COG5: variants seen among roughly 807,000 people sequenced by gnomAD.
COG5 encodes the protein conserved oligomeric Golgi complex subunit 5.
COG5 carries 86 observed loss-of-function variants against 110.4 expected under a neutral mutation model. That is an observed-to-expected ratio of 0.78 (90% CI 0.65 to 0.93). COG5 has a LOEUF of 0.93. COG5 is among the 40% of genes least tolerant of loss of function. The probability of loss-of-function intolerance (pLI) is 0.00; values close to 1 mark genes in which losing one functional copy is unlikely to be tolerated. For missense variants in COG5, 1,077 were observed against 987.0 expected, an observed-to-expected ratio of 1.09 and a Z score of -1.22; for synonymous variants, 360 against 334.6, an observed-to-expected ratio of 1.08 and a Z score of -0.83.
chr7:107,496,574 C>A (rs144094494), intron 6 of COG5, among the ~76,000 whole-genome samples: 1 of 151,304 alleles, frequency 6.6e-6, no homozygotes, highest in African/African-American at 2.4e-5. Context: ...GCATGAGAAC[C>A]GCTTGAACCC....
chr7:107,517,856 CCTGG>C (rs1800044628), intron 6 of COG5, among the ~76,000 whole-genome samples: 3 of 152,036 alleles, frequency 2.0e-5, no homozygotes, highest in Non-Finnish European at 4.4e-5. Context: ...CACCATCACG[CCTGG>C]CTAATTTTTC....
intron 6 of COG5, among the ~76,000 whole-genome samples, chr7:107,442,490 T>C (rs1794768579): frequency 8.1e-6 from 1 of 123,050 alleles, no homozygotes; most frequent in Non-Finnish European, 1.9e-5. Context: ...AGGTTTTTTG[T>C]TGTTTTTTTT....
intron 7 of COG5, among the ~76,000 whole-genome samples, chr7:107,393,785 G>T (rs2129057646): frequency 6.6e-6 from 1 of 152,218 alleles, no homozygotes; most frequent in East Asian, 1.9e-4. Context: ...TACTGCAAAA[G>T]TTGCGCTATC....
chr7:107,368,074 A>T (rs945279389), intron 8 of COG5, among the ~76,000 whole-genome samples: 1 of 152,178 alleles, frequency 6.6e-6, no homozygotes, highest in Non-Finnish European at 1.5e-5. Context: ...GCGGGAAGGG[A>T]AAAGTATAAG....
Position 107,415,887 on chromosome 7 carries a change from T to C in COG5, c.539-3255A>G, listed in dbSNP as rs554122932. Among the ~76,000 whole-genome samples the C allele has an allele frequency of 8.1e-5, 9 of 111,730 alleles. 2 individuals are homozygous for C. The highest frequency in any genetic ancestry group is 1.6e-4 in the Non-Finnish European group (8 of 48,970). 73.3% of individuals were successfully genotyped at this position (111,730 alleles called of 152,430 possible). On this transcript the variant is annotated intron_variant, in intron 6 of 21. Transcript: ENST00000297135. ...ACGTATGTATGTATGTGTGTGTATA[T>C]ACACACACATACACGTATGTATGTA...
At position 107,207,890 on chromosome 7, in the gene COG5, A is replaced by C. The variant is rs1798891494; in HGVS notation, c.2375+2636T>G. Reference sequence around the variant, plus strand: ...TTTATTCAGCAGCAGTAGTTACACTATCCTCAATTTGCCCTATTTTATGAC... The same window carrying C: ...TTTATTCAGCAGCAGTAGTTACACTCTCCTCAATTTGCCCTATTTTATGAC... On this transcript the variant is annotated intron_variant, in intron 21 of 21. Transcript: ENST00000297135. 6 of 985,314 alleles carry C rather than the reference A, an allele frequency of 6.1e-6. 1 individual carries two copies. In the South Asian group the frequency reaches 2.3e-4, roughly 39 times the overall value. 61.0% of individuals were successfully genotyped at this position (985,314 alleles called of 1,614,324 possible). A position where few individuals can be genotyped will look rare whatever the true frequency, so the allele number is the denominator to read the frequency against.
chr7:107,519,212 T>A (rs1369543397), intron 6 of COG5, among the ~76,000 whole-genome samples: 2 of 151,668 alleles, frequency 1.3e-5, no homozygotes, highest in African/African-American at 4.8e-5. Flanking sequence ...AGATCTAAAA[T>A]CGACACCTTA....
chr7:107,514,009 T>C (rs1386357608), intron 6 of COG5, among the ~76,000 whole-genome samples: 1 of 151,906 alleles, frequency 6.6e-6, no homozygotes, highest in Non-Finnish European at 1.5e-5. Flanking sequence ...GTAACAAACC[T>C]GCACATTGTG....
intron 12 of COG5, among the ~76,000 whole-genome samples, chr7:107,296,224 C>A (rs1806736078): frequency 6.8e-6 from 1 of 146,556 alleles, no homozygotes; most frequent in South Asian, 2.3e-4. Context: ...ACACAAGGAA[C>A]ATATATTCAT....
intron 6 of COG5, among the ~76,000 whole-genome samples, chr7:107,466,040 T>C (rs1259283912): frequency 6.6e-6 from 1 of 151,968 alleles, no homozygotes; most frequent in Non-Finnish European, 1.5e-5. Flanking sequence ...AGTAAGAGAA[T>C]TATGCAAAGA....
intron 14 of COG5, among the ~76,000 whole-genome samples, chr7:107,275,103 T>C (rs1315818877): frequency 6.6e-6 from 1 of 151,992 alleles, no homozygotes; most frequent in South Asian, 2.1e-4. Flanking sequence ...GAAAGCTGTC[T>C]TGAAGAAAGG....
chr7:107,483,348 CCTATCACAACT>C (rs1202733812), intron 6 of COG5, among the ~76,000 whole-genome samples: 1 of 152,056 alleles, frequency 6.6e-6, no homozygotes, highest in African/African-American at 2.4e-5. Flanking sequence ...ATGAAACTAA[CCTATCACAACT>C]TATTGAAAAT....
At chr7:107,479,121 C>T (rs1584876803) in intron 6 of COG5, among the ~76,000 whole-genome samples, 1 of 151,756 alleles carries the variant, frequency 6.6e-6, no homozygotes, top group South Asian at 2.1e-4. Flanking sequence ...GTGGTAAATA[C>T]TATAAAAGAA....
intron 10 of COG5, among the ~76,000 whole-genome samples, chr7:107,352,680 C>A (rs1236311737): frequency 1.7e-5 from 2 of 115,358 alleles, no homozygotes; most frequent in Non-Finnish European, 4.0e-5. Context: ...ATTTTCAAAT[C>A]ATTTGATATG....
chr7:107,217,819 T>C (rs1341879056), intron 19 of COG5, among the ~76,000 whole-genome samples: 1 of 152,128 alleles, frequency 6.6e-6, no homozygotes, highest in Non-Finnish European at 1.5e-5. Context: ...AGATGTCCAC[T>C]GTCAGCAAGC....
chr7:107,368,474 G>A (rs571862742), intron 8 of COG5, among the ~76,000 whole-genome samples: 2 of 152,158 alleles, frequency 1.3e-5, no homozygotes, highest in Admixed American at 6.5e-5. Context: ...TGATTGGTAC[G>A]GAGTACATAA....
intron 6 of COG5, among the ~76,000 whole-genome samples, chr7:107,525,799 G>T (rs1033022087): frequency 5.3e-5 from 8 of 151,984 alleles, no homozygotes; most frequent in African/African-American, 1.9e-4. Context: ...ACCCAGGCTG[G>T]TCTCAAACTC....
At position 107,551,762 on chromosome 7, in the gene COG5, C is replaced by T. The variant is rs555913628; in HGVS notation, c.292+2523G>A. Among the ~76,000 whole-genome samples, 4 of 152,234 alleles carry T rather than the reference C, an allele frequency of 2.6e-5. No homozygotes were observed. In the South Asian group the frequency reaches 8.3e-4, roughly 32 times the overall value. On this transcript the variant is annotated intron_variant, in intron 3 of 21. Coordinates refer to ENST00000297135, the MANE Select transcript of COG5 (RefSeq NM_006348.5). ...CCTCCCAAGTAGCTGGGACTAGAAACATGCACCACCACGCCAAGCTAATGT... is the reference window on the plus strand; with the variant it reads ...CCTCCCAAGTAGCTGGGACTAGAAATATGCACCACCACGCCAAGCTAATGT...
intron 19 of COG5, among the ~76,000 whole-genome samples, chr7:107,218,493 T>C (rs1463101064): frequency 1.3e-5 from 2 of 152,058 alleles, no homozygotes; most frequent in Non-Finnish European, 2.9e-5. Context: ...GGTACTGGCA[T>C]ATAAATAGAA....
Sources: allele counts gnomAD v4.1 joint callset (sites outside exome capture counted in the v4.1 genomes callset), GRCh38; gene constraint gnomAD v4.1.1; transcripts MANE v1.5; gene names NCBI Gene and HGNC (gene_info 2026-07-23, HGNC 2026-07-21).